Variants in NXPE2 observed in about 807,000 individuals in gnomAD.
NXPE2 encodes neurexophilin and PC-esterase domain family member 2, also known as NXPE family member 2.
NXPE2 carries 34 observed loss-of-function variants against 34.4 expected under a neutral mutation model. That is an observed-to-expected ratio of 0.99 (90% CI 0.75 to 1.31). NXPE2 has a LOEUF of 1.31. Among genes scored for constraint, NXPE2 ranks in the 40% most tolerant of loss-of-function variants. NXPE2 has a pLI of 0.00. For missense variants in NXPE2, 649 were observed against 672.5 expected, an observed-to-expected ratio of 0.97 and a Z score of 0.39; for synonymous variants, 235 against 231.3, an observed-to-expected ratio of 1.02 and a Z score of -0.15.
chr11:114,582,999 G>C, the NXPE2 span: 1 of 1,612,652 alleles, frequency 6.2e-7, no homozygotes, highest in Middle Eastern at 1.7e-4. Context: ...GAGGGAGATG[G>C]ATAAGTTTAG....
the NXPE2 span, among the ~76,000 whole-genome samples, chr11:114,612,445 T>C: frequency 6.6e-6 from 1 of 151,776 alleles, no homozygotes; most frequent in Non-Finnish European, 1.5e-5. Flanking sequence ...GGGTCACCAC[T>C]GCTACCTGAT....
chr11:114,724,778 C>G, the NXPE2 span, among the ~76,000 whole-genome samples: 2 of 151,108 alleles, frequency 1.3e-5, no homozygotes, highest in African/African-American at 4.9e-5. Flanking sequence ...TTCCACCCCT[C>G]TCTGCTTTGG....
At chr11:114,483,107 C>T in the NXPE2 span, among the ~76,000 whole-genome samples, 1 of 151,972 alleles carries the variant, frequency 6.6e-6, no homozygotes, top group Non-Finnish European at 1.5e-5. Context: ...CTGTATATTC[C>T]TTATAAACAT....
chr11:114,605,207 G>A, the NXPE2 span, among the ~76,000 whole-genome samples: 1 of 151,710 alleles, frequency 6.6e-6, no homozygotes, highest in Non-Finnish European at 1.5e-5. Flanking sequence ...TGGATAATAA[G>A]TATTGCCTCG....
chr11:114,522,598 G>T, the NXPE2 span: 1 of 1,027,178 alleles, frequency 9.7e-7, no homozygotes, highest in Non-Finnish European at 1.4e-6. Context: ...ACCCTACCTA[G>T]ATAATTGCTC....
rs758458021 is a variant in NXPE2 at position 114,698,654 on chromosome 11, A to G, written c.742A>G (p.Arg248Gly). 2.5e-6 allele frequency: 4 copies of G among 1,614,106 alleles called. No homozygotes were observed. The highest frequency in any genetic ancestry group is 2.5e-6 in the Non-Finnish European group (3 of 1,180,030). Residue 248 changes from arginine to glycine, a missense_variant, in exon 3 of 6, where the codon AGA (arginine) becomes GGA (glycine). Arg to Gly is a moderately radical substitution (Grantham distance 125). Coordinates refer to ENST00000389586, the MANE Select transcript of NXPE2 (RefSeq NM_182495.6). ...TGAACTGTGCCAGTACATGGATGAC[A>G]GAGACCAAGAAGCCTTCTACTGTGT... ...NAELCQYMDDRDQEAFYCVRP... is the reference protein window; with the variant it reads ...NAELCQYMDDGDQEAFYCVRP...
the NXPE2 span, chr11:114,527,815 C>G: frequency 6.4e-7 from 1 of 1,564,112 alleles, no homozygotes; most frequent in Non-Finnish European, 8.7e-7. Flanking sequence ...TGAGCATCAC[C>G]TAACTCAGGA....
chr11:114,570,380 A>G, the NXPE2 span, among the ~76,000 whole-genome samples: 2 of 152,182 alleles, frequency 1.3e-5, no homozygotes, highest in East Asian at 1.9e-4. Flanking sequence ...GTGTTATCCT[A>G]TAAACCTGGA....
chr11:114,583,254 T>C, the NXPE2 span: 22 of 668,676 alleles, frequency 3.3e-5, no homozygotes, highest in South Asian at 2.4e-4. Flanking sequence ...GTGAGCAAGA[T>C]GGCGCAAAGG....
At chr11:114,568,323 C>G in the NXPE2 span, among the ~76,000 whole-genome samples, 1 of 151,972 alleles carries the variant, frequency 6.6e-6, no homozygotes, top group African/African-American at 2.4e-5. Context: ...CCTTCCTTAC[C>G]TCAAGTAGAA....
the NXPE2 span, among the ~76,000 whole-genome samples, chr11:114,798,501 A>C: frequency 3.7e-4 from 56 of 152,192 alleles, no homozygotes; most frequent in Admixed American, 8.5e-4. Flanking sequence ...CTTCTGCCTC[A>C]GCCTCCTCAG....
chr11:114,718,725 G>A, the NXPE2 span, among the ~76,000 whole-genome samples: 12 of 152,314 alleles, frequency 7.9e-5, no homozygotes, highest in African/African-American at 2.9e-4. Context: ...GACTGTAAAT[G>A]TTTAAAAACA....
the NXPE2 span, among the ~76,000 whole-genome samples, chr11:114,761,249 C>T: frequency 6.6e-6 from 1 of 152,148 alleles, no homozygotes; most frequent in Non-Finnish European, 1.5e-5. Context: ...ATTTGCAAAC[C>T]AACATTTTGG....
At chr11:114,618,602 T>C in the NXPE2 span, among the ~76,000 whole-genome samples, 1 of 152,068 alleles carries the variant, frequency 6.6e-6, no homozygotes, top group African/African-American at 2.4e-5. Context: ...TGTTACCCTG[T>C]GGATAATAAG....
At chr11:114,777,159 T>C in the NXPE2 span, among the ~76,000 whole-genome samples, 57 of 152,330 alleles carry the variant, frequency 3.7e-4, no homozygotes, top group African/African-American at 1.3e-3. Context: ...CAAAAAGATA[T>C]GACCTAACAG....
chr11:114,521,134 C>T, the NXPE2 span, among the ~76,000 whole-genome samples: 1,615 of 152,104 alleles, frequency 0.011, 32 homozygotes, highest in African/African-American at 0.036. Flanking sequence ...AAGAAATTTC[C>T]TTTATCTATT....
At chr11:114,600,019 T>G in the NXPE2 span, among the ~76,000 whole-genome samples, 3 of 152,086 alleles carry the variant, frequency 2.0e-5, no homozygotes, top group African/African-American at 4.8e-5. Context: ...GAATTCCAAC[T>G]AACAAATATG....
At chr11:114,473,149 G>T in the NXPE2 span, among the ~76,000 whole-genome samples, 1 of 152,154 alleles carries the variant, frequency 6.6e-6, no homozygotes, top group Non-Finnish European at 1.5e-5. Flanking sequence ...CCCAAATACC[G>T]CTTTCCCCAA....
At chr11:114,753,353 A>G in the NXPE2 span, among the ~76,000 whole-genome samples, 2 of 152,266 alleles carry the variant, frequency 1.3e-5, no homozygotes, top group South Asian at 2.1e-4. Context: ...TGATTGCTCT[A>G]CTGCACGTCA....
Sources: allele counts gnomAD v4.1 joint callset (sites outside exome capture counted in the v4.1 genomes callset), GRCh38; gene constraint gnomAD v4.1.1; transcripts MANE v1.5; gene names NCBI Gene and HGNC (gene_info 2026-07-23, HGNC 2026-07-21).